The following CSMD1 variants were observed in gnomAD, a reference collection of about 807,000 sequenced individuals.
The protein encoded by CSMD1 is CUB and sushi domain-containing protein 1.
Under a neutral mutation model 417.5 loss-of-function variants are expected in CSMD1, and 213 were observed. The observed-to-expected ratio is 0.51, with a 90% CI of 0.46 to 0.57. The LOEUF (loss-of-function observed/expected upper bound fraction) is 0.57, where lower values mean the gene tolerates loss of function less well. Ranked by LOEUF, CSMD1 falls within the 20% of genes least tolerant of loss-of-function variation. CSMD1 has a pLI of 0.00. For missense variants in CSMD1, 6,923 were observed against 4,529.7 expected, an observed-to-expected ratio of 1.53 and a Z score of -15.17; for synonymous variants, 2,862 against 1,736.8, an observed-to-expected ratio of 1.65 and a Z score of -16.11.
At chr8:4,486,238 TATATATACATAC>T (rs1451192926) in intron 2 of CSMD1, among the ~76,000 whole-genome samples, 7 of 41,114 alleles carry the variant, frequency 1.7e-4, no homozygotes, top group East Asian at 1.4e-3. Context: ...TACATATATA[TATATATACATAC>T]ATATATATAT....
At chr8:3,502,768 A>G (rs1796660195) in intron 10 of CSMD1, among the ~76,000 whole-genome samples, 1 of 152,192 alleles carries the variant, frequency 6.6e-6, no homozygotes, top group South Asian at 2.1e-4. Flanking sequence ...TCTCTGTGTG[A>G]TGTTATAATG....
At chr8:4,159,890 G>A (rs1304739725) in intron 3 of CSMD1, among the ~76,000 whole-genome samples, 1 of 152,138 alleles carries the variant, frequency 6.6e-6, no homozygotes, top group Admixed American at 6.5e-5. Context: ...GCTAGCCTAT[G>A]AGGATGCAAA....
intron 23 of CSMD1, among the ~76,000 whole-genome samples, chr8:3,321,921 T>C (rs1806178242): frequency 6.6e-6 from 1 of 152,202 alleles, no homozygotes; most frequent in Non-Finnish European, 1.5e-5. Flanking sequence ...AATTTCAGAA[T>C]GGATTCAGTA....
intron 1 of CSMD1, among the ~76,000 whole-genome samples, chr8:4,805,291 C>G (rs992812495): frequency 6.6e-6 from 1 of 152,120 alleles, no homozygotes; most frequent in Non-Finnish European, 1.5e-5. Context: ...TCTTTTTATT[C>G]TATGCAATAT....
intron 25 of CSMD1, among the ~76,000 whole-genome samples, chr8:3,299,183 G>T (rs192618555): frequency 1.3e-5 from 2 of 152,328 alleles, no homozygotes; most frequent in African/African-American, 2.4e-5. Context: ...CAGGTATGGT[G>T]GCTCACGCCT....
chr8:3,453,735 T>C (rs1468999936), intron 12 of CSMD1, among the ~76,000 whole-genome samples: 1 of 152,190 alleles, frequency 6.6e-6, no homozygotes, highest in African/African-American at 2.4e-5. Context: ...CTTACAACTA[T>C]GTGGTCAATT....
intron 10 of CSMD1, among the ~76,000 whole-genome samples, chr8:3,518,467 G>A (rs1211304357): frequency 2.0e-5 from 3 of 152,096 alleles, no homozygotes; most frequent in South Asian, 4.1e-4. Context: ...AAACAATATT[G>A]CTTTTGTAAA....
Position 3,696,786 on chromosome 8 carries a change from C to G in CSMD1, c.1009+11628G>C, listed in dbSNP as rs151034975. ...ATGGAAATAAGGTCAACAGGAGTTT[C>G]TAAAATATATTTCTTCTACTCTTTA... On this transcript the variant is annotated intron_variant, in intron 7 of 69. Transcript: ENST00000635120. Among the ~76,000 whole-genome samples, 547 of 152,296 alleles carry G rather than the reference C, an allele frequency of 3.6e-3. 4 individuals are homozygous for G. Among genetic ancestry groups the G allele is most frequent in the Non-Finnish European group, 6.1e-3 (412 of 68,016 alleles).
At chr8:2,995,465 C>T (rs529105727) in intron 54 of CSMD1, among the ~76,000 whole-genome samples, 2 of 152,260 alleles carry the variant, frequency 1.3e-5, no homozygotes, top group Admixed American at 1.3e-4. Context: ...AATAGTACCG[C>T]CATGCTGGAA....
chr8:4,277,872 C>A (rs10104095), intron 3 of CSMD1, among the ~76,000 whole-genome samples: 1 of 152,004 alleles, frequency 6.6e-6, no homozygotes, highest in Non-Finnish European at 1.5e-5. Flanking sequence ...CTCAGCCTCC[C>A]GAGTAGATGG....
intron 10 of CSMD1, among the ~76,000 whole-genome samples, chr8:3,548,452 C>A (rs972577713): frequency 6.6e-6 from 1 of 151,926 alleles, no homozygotes; most frequent in Non-Finnish European, 1.5e-5. Flanking sequence ...CCACTTCCCA[C>A]CCTTTCTGCC....
At chr8:4,788,390 G>C (rs1388509314) in intron 1 of CSMD1, 3 of 1,403,664 alleles carry the variant, frequency 2.1e-6, no homozygotes, top group African/African-American at 1.4e-5. Context: ...GGGGAGCTCA[G>C]GATGTGTGGT....
intron 3 of CSMD1, among the ~76,000 whole-genome samples, chr8:4,161,910 G>A (rs949400545): frequency 6.6e-6 from 1 of 152,064 alleles, no homozygotes; most frequent in African/African-American, 2.4e-5. Context: ...GACTTCATCA[G>A]TTCATATCCC....
chr8:4,447,699 G>A (rs1798895246), intron 2 of CSMD1, among the ~76,000 whole-genome samples: 1 of 152,132 alleles, frequency 6.6e-6, no homozygotes, highest in Non-Finnish European at 1.5e-5. Context: ...TTTAGAAAGT[G>A]CACTCATAGT....
intron 12 of CSMD1, among the ~76,000 whole-genome samples, chr8:3,447,490 G>C (rs73174844): frequency 0.049 from 7,508 of 152,244 alleles, 251 homozygotes; most frequent in Non-Finnish European, 0.072. Context: ...TATTGCAGAG[G>C]AATGGGAAGT....
chr8:4,070,141 T>C (rs1226507534), intron 3 of CSMD1, among the ~76,000 whole-genome samples: 2 of 152,002 alleles, frequency 1.3e-5, no homozygotes, highest in Non-Finnish European at 1.5e-5. Context: ...ACCAATTTTA[T>C]TTTTTTTAAA....
intron 11 of CSMD1, among the ~76,000 whole-genome samples, chr8:3,476,808 C>A (rs1347821208): frequency 1.3e-5 from 2 of 151,270 alleles, no homozygotes; most frequent in African/African-American, 4.9e-5. Context: ...ATCCCAGCTA[C>A]TTGGGAGGCT....
chr8:4,911,104 G>A (rs958690973), intron 1 of CSMD1, among the ~76,000 whole-genome samples: 2 of 152,188 alleles, frequency 1.3e-5, no homozygotes, highest in African/African-American at 2.4e-5. Flanking sequence ...ATGTGGAACT[G>A]TAAGTCCATT....
rs571506871 is a variant in CSMD1, at chr8:3,745,778, A to G, written c.931+8152T>C. On this transcript the variant is annotated intron_variant, in intron 6 of 69. Transcript: ENST00000635120. Reference sequence around the variant, plus strand: ...CAATTTCAGAAGCCTGATTCAGATCATTAAGAGAACAAGCAATGTAACCTG... The same window carrying G: ...CAATTTCAGAAGCCTGATTCAGATCGTTAAGAGAACAAGCAATGTAACCTG... 1.5e-4 allele frequency among the ~76,000 whole-genome samples: 23 copies of G among 152,340 alleles called. No individual in the cohort carries two copies. The South Asian group carries it at 4.6e-3, about 30-fold the overall frequency.
Sources: gnomAD v4.1 joint callset for allele counts (sites outside exome capture counted in the v4.1 genomes callset) on GRCh38, gnomAD v4.1.1 for gene constraint, MANE v1.5 for transcripts, NCBI Gene and HGNC (gene_info 2026-07-23, HGNC 2026-07-21) for gene names.